Variants in PCDHGB3 observed in about 807,000 individuals in gnomAD.
The protein encoded by PCDHGB3 is protocadherin gamma subfamily B, 3.
A neutral mutation model predicts 59.2 loss-of-function variants in PCDHGB3; 40 were observed. The ratio of observed to expected loss-of-function variants is 0.68; its 90% CI spans 0.52 to 0.88. The LOEUF is 0.88. PCDHGB3 is among the 40% of genes least tolerant of loss of function. The probability of loss-of-function intolerance (pLI) is 0.00; values close to 1 mark genes in which losing one functional copy is unlikely to be tolerated. For synonymous variants in PCDHGB3, 581 were observed against 503.6 expected, an observed-to-expected ratio of 1.15 and a Z score of -2.06; for missense variants, 1,309 against 1,187.9, an observed-to-expected ratio of 1.10 and a Z score of -1.50.
intron 1 of PCDHGB3, chr5:141,409,468 C>T (rs1256188577): frequency 1.9e-6 from 3 of 1,613,948 alleles, no homozygotes; most frequent in Admixed American, 1.7e-5. Flanking sequence ...ATGTCACCAT[C>T]GTAGCCACTG....
chr5:141,431,965 T>C lies in PCDHGB3; in HGVS notation c.2415+59156T>C, dbSNP rs765281339. The C allele has an allele frequency of 4.0e-5, 64 of 1,614,098 alleles. No homozygotes were observed. In the East Asian group the frequency reaches 4.9e-4, roughly 12 times the overall value. On this transcript the variant is annotated intron_variant, in intron 1 of 3. Transcript: ENST00000576222. This position sits in a 1 kb window ranked among gnomAD's most constrained non-coding sequence, Gnocchi z 4.8. Reference sequence around the variant, plus strand: ...TAGAAAAATCTTACGGAAATTACTATAGTTTAGTCACAGACATAGTCTTGG... The same window carrying C: ...TAGAAAAATCTTACGGAAATTACTACAGTTTAGTCACAGACATAGTCTTGG...
chr5:141,395,961 G>C (rs1016569431), intron 1 of PCDHGB3: 1 of 151,956 alleles, frequency 6.6e-6, no homozygotes, highest in Non-Finnish European at 1.5e-5. Flanking sequence ...AAAAACAAAA[G>C]CAAAAACATT....
At chr5:141,484,857 G>C in intron 1 of PCDHGB3, 1 of 264,370 alleles carries the variant, frequency 3.8e-6, no homozygotes. Flanking sequence ...TTTTTGGGGG[G>C]TGGGGGAGCG....
intron 1 of PCDHGB3, chr5:141,422,992 G>A: frequency 6.2e-7 from 1 of 1,614,238 alleles, no homozygotes; most frequent in Non-Finnish European, 8.5e-7. Flanking sequence ...TGGCTACCTG[G>A]TGACCAAGGT....
At position 141,371,326 on chromosome 5, in the gene PCDHGB3, A is replaced by C. The variant is rs761989628; in HGVS notation, c.932A>C (p.Glu311Ala). ...ACTATTGGAGAACTGGACTTTGAAG[A>C]GAGAGATAGCTACACAATTGGGGTG... Reference protein sequence around the residue: ...LTTIGELDFEERDSYTIGVEA... With the variant: ...LTTIGELDFEARDSYTIGVEA... Residue 311 changes from glutamate (E) to alanine (A), a missense_variant, in exon 1 of 4, where the codon GAG (glutamate) becomes GCG (alanine). By Grantham distance (107) the Glu-to-Ala change is moderately radical (BLOSUM62 -1). Coordinates refer to ENST00000576222, the MANE Select transcript of PCDHGB3 (RefSeq NM_018924.5). 55 of 1,613,874 alleles carry C rather than the reference A, an allele frequency of 3.4e-5. No homozygotes were observed. The highest frequency in any genetic ancestry group is 4.5e-5 in the Non-Finnish European group (53 of 1,179,892).
In PCDHGB3 at chr5:141,371,282, T is replaced by G. The variant is rs201701201; in HGVS notation, c.888T>G (p.Ser296Arg). Residue 296 changes from serine (S) to arginine (R), a missense_variant, in exon 1 of 4, where the codon AGT (serine) becomes AGG (arginine). By Grantham distance (110) the Ser-to-Arg change is moderately radical (BLOSUM62 -1). Coordinates refer to ENST00000576222, the MANE Select transcript of PCDHGB3 (RefSeq NM_018924.5). ...TGAGACAACTGTTCAAGCTGGACAG[T>G]AAAACGGGGGAACTCACCACTATTG... The part of the protein sequence containing the change: ...KEVRQLFKLD[S>R]KTGELTTIGE... 2.0e-4 allele frequency: 326 copies of G among 1,613,828 alleles called. 2 individuals are homozygous for G. The highest frequency in any genetic ancestry group is 4.9e-4 in the Middle Eastern group (3 of 6,084).
Position 141,409,742 on chromosome 5 carries a change from G to A in PCDHGB3, c.2415+36933G>A, listed in dbSNP as rs763304955. On this transcript the variant is annotated intron_variant, in intron 1 of 3. Coordinates refer to ENST00000576222, the MANE Select transcript of PCDHGB3 (RefSeq NM_018924.5). Reference sequence around the variant, plus strand: ...GTCAGTGAGCGCGCAGAGCGGGGTGGTGTTCGCGCAGCGCGCCTTTGATCA... The same window carrying A: ...GTCAGTGAGCGCGCAGAGCGGGGTGATGTTCGCGCAGCGCGCCTTTGATCA... 4.3e-6 allele frequency: 7 copies of A among 1,612,986 alleles called. No individual in the cohort carries two copies. In the South Asian group the frequency reaches 5.5e-5, roughly 13 times the overall value.
At chr5:141,460,961 A>ATATGTGTG (rs1463306338) in intron 1 of PCDHGB3, among the ~76,000 whole-genome samples, 3 of 144,556 alleles carry the variant, frequency 2.1e-5, no homozygotes, top group African/African-American at 7.8e-5. Context: ...GTATATATAT[A>ATATGTGTG]TGTGTGTGTG....
intron 1 of PCDHGB3, chr5:141,416,406 T>C (rs2096021956): frequency 6.6e-6 from 1 of 152,224 alleles, no homozygotes; most frequent in Non-Finnish European, 1.5e-5. Flanking sequence ...TTGTCTTTTT[T>C]GTTAAATTTT....
At chr5:141,433,204 C>A in intron 1 of PCDHGB3, 1 of 1,566,946 alleles carries the variant, frequency 6.4e-7, no homozygotes, top group Non-Finnish European at 8.6e-7. Flanking sequence ...ATCAAATCTT[C>A]TTTCTTTTTT....
At chr5:141,466,684 G>A (rs1337230884) in intron 1 of PCDHGB3, among the ~76,000 whole-genome samples, 1 of 152,034 alleles carries the variant, frequency 6.6e-6, no homozygotes, top group Non-Finnish European at 1.5e-5. Flanking sequence ...TTCCACTCAA[G>A]CTTCATCATA....
intron 1 of PCDHGB3, chr5:141,400,524 GGTGA>G (rs1307110266): frequency 1.2e-6 from 2 of 1,613,920 alleles, no homozygotes; most frequent in Admixed American, 3.3e-5. Context: ...ATCCTGAGTT[GGTGA>G]GTTTCATTTA....
At chr5:141,393,378 G>C in intron 1 of PCDHGB3, 1 of 1,613,982 alleles carries the variant, frequency 6.2e-7, no homozygotes, top group Non-Finnish European at 8.5e-7. Flanking sequence ...AGACAATGGA[G>C]CCATAAACCC....
In PCDHGB3 at chr5:141,372,379, T is replaced by A; in HGVS notation, c.1985T>A (p.Leu662Gln). The A allele has an allele frequency of 6.2e-7, 1 of 1,614,006 alleles. No homozygotes were observed. Among genetic ancestry groups the A allele is most frequent in the Non-Finnish European group, 8.5e-7 (1 of 1,179,898 alleles). Residue 662 changes from leucine (L) to glutamine (Q), a missense_variant, in exon 1 of 4, where the codon CTA becomes CAA. By Grantham distance (113) the Leu-to-Gln change is moderately radical. Transcript: ENST00000576222. The stretch of plus-strand genomic sequence containing the variant: ...CTTTCAGCCACCGTCATGCTGCACC[T>A]AATCTTCGCAGATAGCTTGCAAGAG... ...QPLSATVMLHLIFADSLQEIQ... is the reference protein window; with the variant it reads ...QPLSATVMLHQIFADSLQEIQ...
At position 141,432,595 on chromosome 5, in the gene PCDHGB3, C is replaced by G; in HGVS notation, c.2415+59786C>G. 6.2e-7 allele frequency: 1 copy of G among 1,613,756 alleles called. No individual in the cohort carries two copies. Among genetic ancestry groups the G allele is most frequent in the Admixed American group, 1.7e-5 (1 of 60,018 alleles). ...TGTCCTACCGTCTGCTCAAGGCCAG[C>G]GAGCCGGGACTCTTCTCGGTGGGTC... On this transcript the variant is annotated intron_variant, in intron 1 of 3. Transcript: ENST00000576222. This position sits in a 1 kb window ranked among gnomAD's most constrained non-coding sequence, Gnocchi z 6.0.
chr5:141,494,400 C>A (rs2099754045), intron 1 of PCDHGB3, among the ~76,000 whole-genome samples: 1 of 152,158 alleles, frequency 6.6e-6, no homozygotes, highest in African/African-American at 2.4e-5. Flanking sequence ...TAAATTCATT[C>A]TAGGGCTGGT....
chr5:141,440,444 C>G (rs2098178389), intron 1 of PCDHGB3: 1 of 152,038 alleles, frequency 6.6e-6, no homozygotes, highest in Admixed American at 6.6e-5. Context: ...AAGGCGCCAT[C>G]TCAAAAAAAA....
chr5:141,383,087 G>A, intron 1 of PCDHGB3: 2 of 1,613,912 alleles, frequency 1.2e-6, no homozygotes, highest in Non-Finnish European at 1.7e-6. Flanking sequence ...GCGGAGCGCG[G>A]AGTCCGCATC....
intron 1 of PCDHGB3, among the ~76,000 whole-genome samples, chr5:141,484,796 C>A (rs987893041): frequency 1.3e-5 from 2 of 151,304 alleles, no homozygotes; most frequent in African/African-American, 4.9e-5. Flanking sequence ...GATAACAACC[C>A]GTGGAAAAAC....
Sources: gnomAD v4.1 joint callset for allele counts (sites outside exome capture counted in the v4.1 genomes callset) on GRCh38, gnomAD v4.1.1 for gene constraint, Gnocchi (gnomAD v3.1) non-coding constraint, MANE v1.5 for transcripts, NCBI Gene and HGNC (gene_info 2026-07-23, HGNC 2026-07-21) for gene names.